Variants in NRG1 observed in about 807,000 individuals in gnomAD.
The protein encoded by NRG1 is pro-neuregulin-1, membrane-bound isoform.
NRG1 carries 18 observed loss-of-function variants against 63.8 expected under a neutral mutation model. The ratio of observed to expected loss-of-function variants is 0.28; its 90% CI spans 0.19 to 0.42. NRG1 has a LOEUF of 0.42. NRG1 is among the 10% of genes least tolerant of loss of function. NRG1 has a pLI of 1.00. For missense variants in NRG1, 762 were observed against 814.7 expected, an observed-to-expected ratio of 0.94 and a Z score of 0.79; for synonymous variants, 302 against 301.3, an observed-to-expected ratio of 1.00 and a Z score of -0.02.
At chr8:32,636,918 T>C (rs956448593) in intron 5 of NRG1, among the ~76,000 whole-genome samples, 1 of 152,050 alleles carries the variant, frequency 6.6e-6, no homozygotes, top group Non-Finnish European at 1.5e-5. Context: ...TGGGGGATGA[T>C]GCAGAGAAGG....
intron 1 of NRG1, among the ~76,000 whole-genome samples, chr8:32,563,767 C>A (rs1563656431): frequency 1.3e-5 from 2 of 152,100 alleles, no homozygotes; most frequent in Admixed American, 6.5e-5. Context: ...TGGATATAGG[C>A]TCTGTTTCAT....
chr8:31,894,600 G>T (rs916348357), intron 1 of NRG1, among the ~76,000 whole-genome samples: 17 of 147,366 alleles, frequency 1.2e-4, no homozygotes, highest in Non-Finnish European at 1.9e-4. Context: ...GCCCAGGCTG[G>T]AGTGCAGTGG....
intron 1 of NRG1, among the ~76,000 whole-genome samples, chr8:32,131,246 A>G (rs867431352): frequency 1.3e-5 from 2 of 152,116 alleles, no homozygotes; most frequent in African/African-American, 2.4e-5. Flanking sequence ...AAATGCAGTT[A>G]TGCTCTCATT....
chr8:32,760,931 A>G, intron 11 of NRG1: 2 of 988,000 alleles, frequency 2.0e-6, no homozygotes, highest in East Asian at 1.1e-4. Context: ...CCTCCACCCT[A>G]TAGTATCTAT....
intron 6 of NRG1, among the ~76,000 whole-genome samples, chr8:32,732,585 A>G (rs2129022146): frequency 6.6e-6 from 1 of 152,282 alleles, no homozygotes; most frequent in South Asian, 2.1e-4. Context: ...CAATATATTT[A>G]TTTATAACAT....
At chr8:32,317,987 T>A (rs1434132100) in intron 1 of NRG1, among the ~76,000 whole-genome samples, 1 of 151,354 alleles carries the variant, frequency 6.6e-6, no homozygotes, top group African/African-American at 2.4e-5. Context: ...CCAAAATAAC[T>A]AAGAAAAGGG....
Position 31,829,791 on chromosome 8 carries a change from A to T in NRG1, c.37+190360A>T, listed in dbSNP as rs76251146. ...GAAATGGCTGTTTTGTTTTATGGAG[A>T]TTGGCTAGACTGGCAGGTGACAAGG... On this transcript the variant is annotated intron_variant, in intron 1 of 10. Coordinates refer to the NRG1 transcript ENST00000519301. Among the ~76,000 whole-genome samples, 386 of 152,282 alleles carry T rather than the reference A, an allele frequency of 2.5e-3. 11 individuals carry two copies. The East Asian group carries it at 0.062, about 25-fold the overall frequency.
chr8:31,640,063 T>TCGC lies in NRG1; in HGVS notation c.37+639_37+641dup, dbSNP rs892546089. On this transcript the variant is annotated intron_variant, in intron 1 of 10. Coordinates refer to the NRG1 transcript ENST00000519301. The surrounding 1 kb of genome is among the most constrained non-coding windows in gnomAD (Gnocchi z 6.3). ...GCGCCCCGGCTCCGCCGCCCGCTCG[T>TCGC]CGCCGCCGCTGCCGCTGCTGCCACT... The TCGC allele has an allele frequency of 1.9e-4, 216 of 1,137,812 alleles. No individual in the cohort carries two copies. Among genetic ancestry groups the TCGC allele is most frequent in the Non-Finnish European group, 2.2e-4 (206 of 929,478 alleles). 70.5% of individuals were successfully genotyped at this position (1,137,812 alleles called of 1,614,324 possible). A position where few individuals can be genotyped will look rare whatever the true frequency, so the allele number is the denominator to read the frequency against.
At chr8:32,502,284 G>A (rs930273711) in intron 1 of NRG1, among the ~76,000 whole-genome samples, 2 of 150,966 alleles carry the variant, frequency 1.3e-5, no homozygotes, top group Admixed American at 6.6e-5. Context: ...CAGATCTTAC[G>A]AGAACTCGGT....
chr8:31,921,773 A>C (rs1360032077), intron 1 of NRG1, among the ~76,000 whole-genome samples: 1 of 152,146 alleles, frequency 6.6e-6, no homozygotes, highest in Non-Finnish European at 1.5e-5. Flanking sequence ...ATTGGTGAAC[A>C]CTCAGGATTT....
intron 7 of NRG1, among the ~76,000 whole-genome samples, chr8:32,744,046 C>T (rs910062751): frequency 4.6e-5 from 7 of 151,930 alleles, no homozygotes; most frequent in African/African-American, 1.7e-4. Context: ...ATTGCTCACC[C>T]CGAAAAATAT....
chr8:32,422,546 T>C (rs976236898), intron 1 of NRG1, among the ~76,000 whole-genome samples: 1 of 152,216 alleles, frequency 6.6e-6, no homozygotes, highest in African/African-American at 2.4e-5. Context: ...TTGACCAATT[T>C]TCCTTCTGTG....
At chr8:31,749,948 A>G (rs910551155) in intron 1 of NRG1, among the ~76,000 whole-genome samples, 3 of 151,806 alleles carry the variant, frequency 2.0e-5, no homozygotes, top group African/African-American at 7.3e-5. Flanking sequence ...GACTACATAG[A>G]TGAGTTTTCT....
intron 1 of NRG1, among the ~76,000 whole-genome samples, chr8:32,218,837 A>G (rs1294139182): frequency 6.6e-6 from 1 of 152,192 alleles, no homozygotes; most frequent in Non-Finnish European, 1.5e-5. Context: ...GTTAGTAACC[A>G]TCCTTCATTT....
intron 1 of NRG1, among the ~76,000 whole-genome samples, chr8:32,169,645 C>T (rs1267007902): frequency 6.6e-6 from 1 of 152,116 alleles, no homozygotes; most frequent in African/African-American, 2.4e-5. Context: ...TGATAACCTT[C>T]ATTTAATTCT....
rs1208779142 is a variant in NRG1 at position 32,538,345 on chromosome 8, AGAT to A, written c.38-57479_38-57477del. Among the ~76,000 whole-genome samples the A allele has an allele frequency of 3.3e-5, 5 of 152,336 alleles. No homozygotes were observed. In the East Asian group the frequency reaches 9.6e-4, roughly 29 times the overall value. ...TTTCAGAAATCAAGATCAAGGCTAT[AGAT>A]GATAAAAATTTTATTCCTAAAGGAA... is the stretch of plus-strand genomic sequence containing the variant. On this transcript the variant is annotated intron_variant, in intron 1 of 10. Transcript: ENST00000519301.
intron 1 of NRG1, among the ~76,000 whole-genome samples, chr8:31,889,186 T>C (rs901240588): frequency 6.6e-6 from 1 of 152,244 alleles, no homozygotes. Flanking sequence ...GAAAGTGACA[T>C]CATGTTCCAA....
intron 1 of NRG1, among the ~76,000 whole-genome samples, chr8:31,966,579 T>C (rs930953788): frequency 3.3e-5 from 5 of 152,204 alleles, no homozygotes; most frequent in African/African-American, 9.7e-5. Flanking sequence ...TGATTACAAT[T>C]TCCCCACTAC....
rs542190288 is a variant in NRG1 at position 32,212,610 on chromosome 8, T to C, written c.38-383218T>C. The stretch of plus-strand genomic sequence containing the variant: ...ATGCTTTATTATATAAACCAGATTT[T>C]ATTTAAGAACTCATATGGACTAGAT... On this transcript the variant is annotated intron_variant, in intron 1 of 10. Coordinates refer to the NRG1 transcript ENST00000519301. 1.8e-4 allele frequency among the ~76,000 whole-genome samples: 27 copies of C among 152,332 alleles called. No individual in the cohort carries two copies. The South Asian group carries it at 5.4e-3, about 30-fold the overall frequency.
Sources: allele counts gnomAD v4.1 joint callset (sites outside exome capture counted in the v4.1 genomes callset), GRCh38; gene constraint gnomAD v4.1.1; non-coding constraint Gnocchi (gnomAD v3.1); transcripts MANE v1.5; gene names NCBI Gene and HGNC (gene_info 2026-07-23, HGNC 2026-07-21).